Variants in ANKRD30B observed in about 807,000 individuals in gnomAD.
ANKRD30B encodes the protein ankyrin repeat domain-containing protein 30B.
Under a neutral mutation model 202.2 loss-of-function variants are expected in ANKRD30B, and 144 were observed. The observed-to-expected ratio is 0.71, with a 90% CI of 0.62 to 0.82. ANKRD30B has a LOEUF of 0.82. ANKRD30B is among the 40% of genes least tolerant of loss of function. The pLI is 0.00. For missense variants in ANKRD30B, 1,487 were observed against 1,669.1 expected (o/e 0.89, Z 1.90); for synonymous variants, 508 against 561.3 (o/e 0.91, Z 1.34).
chr18:14,830,750 C>A (rs573877066), intron 33 of ANKRD30B, among the ~76,000 whole-genome samples: 14 of 152,256 alleles, frequency 9.2e-5, no homozygotes, highest in Middle Eastern at 3.4e-3. Flanking sequence ...TCATAGAGGA[C>A]AGCTTGTGAG....
At chr18:14,796,514 T>C in intron 18 of ANKRD30B, 99 bp downstream of exon 18, 1 of 1,378,406 alleles carries the variant, frequency 7.3e-7, no homozygotes, top group Non-Finnish European at 9.7e-7. Flanking sequence ...CTTTTGAAAA[T>C]TTGGTGGGAA....
the ANKRD30B span, chr18:14,888,981 T>C: frequency 1.8e-6 from 1 of 557,244 alleles, no homozygotes; most frequent in South Asian, 2.3e-5. Context: ...AAGCAGGTAA[T>C]ATTTGTTAGA....
intron 14 of ANKRD30B, among the ~76,000 whole-genome samples, chr18:14,785,431 T>C (rs1207952306): frequency 6.6e-6 from 1 of 152,224 alleles, no homozygotes. Flanking sequence ...GCATAGTTAA[T>C]TGCACAGTTT....
the ANKRD30B span, among the ~76,000 whole-genome samples, chr18:14,891,795 C>A: frequency 6.6e-6 from 1 of 152,216 alleles, no homozygotes; most frequent in African/African-American, 2.4e-5. Context: ...CCTTTTAGAG[C>A]ACTCTATTTG....
At chr18:14,769,299 T>C (rs1442384257) in intron 7 of ANKRD30B, 44 bp from the exon 8 acceptor site, 1 of 1,383,232 alleles carries the variant, frequency 7.2e-7, no homozygotes, top group Non-Finnish European at 1.0e-6. Context: ...TATTTTCTAT[T>C]TATATTTGTT....
chr18:14,835,812 T>C (rs1971147289), intron 34 of ANKRD30B, among the ~76,000 whole-genome samples: 1 of 151,928 alleles, frequency 6.6e-6, no homozygotes, highest in Admixed American at 6.6e-5. Context: ...TACTTAAAAA[T>C]GCCTTATAAT....
Position 14,791,452 on chromosome 18 carries a change from C to T in ANKRD30B, c.1786C>T (p.His596Tyr), listed in dbSNP as rs1968500954. The T allele has an allele frequency of 3.7e-6, 6 of 1,611,100 alleles. No homozygotes were observed. In the East Asian group the frequency reaches 6.7e-5, roughly 18 times the overall value. The change falls in exon 16 of 44, where the codon CAT becomes TAT. Residue 596 changes from histidine (H) to tyrosine (Y), a missense_variant. Physicochemically the swap from His to Tyr is moderately conservative, Grantham distance 83 (BLOSUM62 2). Transcript: ENST00000690538. Reference sequence around the variant, plus strand: ...GGATGTGTATTTACCCAAAGCTACACATCAAAAAGAATTCGATACCTTAAG... The same window carrying T: ...GGATGTGTATTTACCCAAAGCTACATATCAAAAAGAATTCGATACCTTAAG... ...QKDVYLPKATHQKEFDTLSGK... is the reference protein window; with the variant it reads ...QKDVYLPKATYQKEFDTLSGK...
downstream of ANKRD30B, among the ~76,000 whole-genome samples, chr18:14,859,001 A>G (rs1423437617): frequency 3.4e-3 from 153 of 45,588 alleles, no homozygotes; most frequent in Non-Finnish European, 3.5e-3. Context: ...CAGCTGGGCA[A>G]AGGCGCTCCT....
chr18:14,928,461 C>A, the ANKRD30B span, among the ~76,000 whole-genome samples: 3 of 152,172 alleles, frequency 2.0e-5, no homozygotes, highest in Non-Finnish European at 2.9e-5. Context: ...ATGGCCTCAA[C>A]AGAAAGAACA....
chr18:14,834,508 T>A (rs567011228), intron 34 of ANKRD30B, among the ~76,000 whole-genome samples: 1 of 152,148 alleles, frequency 6.6e-6, no homozygotes, highest in South Asian at 2.1e-4. Flanking sequence ...AAAGATATGA[T>A]ATAAATTATT....
chr18:14,833,407 C>T (rs1330142773), intron 34 of ANKRD30B, among the ~76,000 whole-genome samples: 1 of 152,172 alleles, frequency 6.6e-6, no homozygotes, highest in African/African-American at 2.4e-5. Flanking sequence ...CGCCACCACG[C>T]CCAGCTAATC....
chr18:14,929,740 T>G, the ANKRD30B span, among the ~76,000 whole-genome samples: 6 of 152,052 alleles, frequency 3.9e-5, no homozygotes, highest in African/African-American at 1.4e-4. Flanking sequence ...GAGTTCACCA[T>G]TTGGGGATTG....
At chr18:14,796,861 G>C (rs1389844608) in intron 18 of ANKRD30B, among the ~76,000 whole-genome samples, 1 of 152,082 alleles carries the variant, frequency 6.6e-6, no homozygotes, top group Non-Finnish European at 1.5e-5. Flanking sequence ...ATTATGAGGT[G>C]AGATGGTCCC....
At chr18:14,866,583 C>T in the ANKRD30B span, among the ~76,000 whole-genome samples, 37 of 152,142 alleles carry the variant, frequency 2.4e-4, 1 homozygote, top group East Asian at 4.3e-3. Flanking sequence ...CGCCTGGTTG[C>T]GGTTGGTGGT....
At chr18:14,861,562 C>T in the ANKRD30B span, among the ~76,000 whole-genome samples, 17 of 150,302 alleles carry the variant, frequency 1.1e-4, 1 homozygote, top group East Asian at 5.8e-4. Flanking sequence ...TTCAATTCAA[C>T]GAGAAGACTT....
Position 14,757,932 on chromosome 18 carries a change from T to C in ANKRD30B, c.735T>C (p.Ala245=), listed in dbSNP as rs1411878092. 9 of 1,601,584 alleles carry C rather than the reference T, an allele frequency of 5.6e-6. No homozygotes were observed. Among genetic ancestry groups the C allele is most frequent in the Non-Finnish European group, 7.7e-6 (9 of 1,173,262 alleles). The change falls in exon 5 of 44, where the codon GCT becomes GCC. Residue 245 remains alanine, a synonymous_variant. Transcript: ENST00000690538. ...DIHGITAERY[A]AACGVNYIHQ... ...ATGGAATAACTGCAGAACGTTATGC[T>C]GCTGCTTGTGGAGTTAATTAGTAAG... is the stretch of plus-strand genomic sequence containing the variant.
the ANKRD30B span, among the ~76,000 whole-genome samples, chr18:14,924,388 G>T: frequency 2.0e-5 from 3 of 152,150 alleles, no homozygotes; most frequent in Non-Finnish European, 4.4e-5. Flanking sequence ...ATTCACTTAT[G>T]GGGCATTTTT....
chr18:14,850,750 G>A (rs1031248728), intron 41 of ANKRD30B, among the ~76,000 whole-genome samples: 3 of 151,776 alleles, frequency 2.0e-5, no homozygotes, highest in Non-Finnish European at 4.4e-5. Flanking sequence ...ATAAGCTCAT[G>A]GTTTTCTAAG....
At chr18:14,847,092 A>ATATATATG (rs1248540502) in intron 39 of ANKRD30B, among the ~76,000 whole-genome samples, 3 of 98,666 alleles carry the variant, frequency 3.0e-5, no homozygotes, top group Non-Finnish European at 6.4e-5. Flanking sequence ...ATATATATAT[A>ATATATATG]TGTATAATGT....
Sources: allele counts gnomAD v4.1 joint callset (sites outside exome capture counted in the v4.1 genomes callset), GRCh38; gene constraint gnomAD v4.1.1; transcripts MANE v1.5; gene names NCBI Gene and HGNC (gene_info 2026-07-23, HGNC 2026-07-21).